FAM91A1: variants seen among roughly 807,000 people sequenced by gnomAD.
FAM91A1 encodes the protein family with sequence similarity 91 member A1, also known as protein FAM91A1.
A neutral mutation model predicts 113.5 loss-of-function variants in FAM91A1; 41 were observed. That is an observed-to-expected ratio of 0.36 (90% CI 0.28 to 0.47). The LOEUF (loss-of-function observed/expected upper bound fraction) is 0.47. FAM91A1 is among the 20% of genes least tolerant of loss of function. The pLI is 1.00. For missense variants in FAM91A1, 696 were observed against 1,001.2 expected, an observed-to-expected ratio of 0.70 and a Z score of 4.11; for synonymous variants, 307 against 347.9, an observed-to-expected ratio of 0.88 and a Z score of 1.31.
chr8:123,774,378 T>G (rs1325163413), intron 2 of FAM91A1, among the ~76,000 whole-genome samples: 1 of 152,168 alleles, frequency 6.6e-6, no homozygotes, highest in Non-Finnish European at 1.5e-5. Flanking sequence ...AGAGTACTGT[T>G]TATGGACTCA....
intron 19 of FAM91A1, 82 bp from the exon 20 acceptor site, chr8:123,805,998 G>A (rs1815793239): frequency 7.6e-7 from 1 of 1,311,900 alleles, no homozygotes. Flanking sequence ...AGTTCTAAGA[G>A]TTGTTTAATA....
Position 123,815,263 on chromosome 8 carries a change from G to C in FAM91A1, c.*2559G>C, listed in dbSNP as rs1816046489. ...TCTGCCATTCATGTTTCTTTTTTGTGTTCAGTGTTTCAAATACAATTTGTA... is the reference window on the plus strand; with the variant it reads ...TCTGCCATTCATGTTTCTTTTTTGTCTTCAGTGTTTCAAATACAATTTGTA... On this transcript the variant is annotated 3_prime_UTR_variant, in exon 24 of 24. Coordinates refer to ENST00000334705, the MANE Select transcript of FAM91A1 (RefSeq NM_144963.4). The C allele has an allele frequency of 6.6e-6, 1 of 151,256 alleles. No individual in the cohort carries two copies. The highest frequency in any genetic ancestry group is 6.6e-5 in the Admixed American group (1 of 15,154). 9.4% of individuals were successfully genotyped at this position (151,256 alleles called of 1,614,324 possible).
intron 22 of FAM91A1, 21 bp from the exon 23 acceptor site, chr8:123,810,261 T>C (rs747869965): frequency 2.5e-6 from 4 of 1,591,274 alleles, no homozygotes; most frequent in Middle Eastern, 1.8e-4. Context: ...TTAAACTGTT[T>C]CTCGCCTTTT....
chr8:123,789,806 A>G, intron 15 of FAM91A1, 61 bp downstream of exon 15: 1 of 1,568,202 alleles, frequency 6.4e-7, no homozygotes, highest in Non-Finnish European at 8.7e-7. Flanking sequence ...CTAAGAAATT[A>G]AACAGATCAT....
Position 123,778,710 on chromosome 8 carries a change from G to T in FAM91A1, c.487G>T (p.Glu163Ter). The T allele has an allele frequency of 6.2e-7, 1 of 1,609,752 alleles. No homozygotes were observed. The highest frequency in any genetic ancestry group is 8.5e-7 in the Non-Finnish European group (1 of 1,178,600). Reference sequence around the variant, plus strand: ...TGATCTTCTACCAATAAAGCCAGTGGAAATTGCCATAGAGGCGTGGTGGGT... The same window carrying T: ...TGATCTTCTACCAATAAAGCCAGTGTAAATTGCCATAGAGGCGTGGTGGGT... ...ARDLLPIKPV[E>*]IAIEAWWVVQ... Residue 163 changes from glutamate to a stop codon, truncating the protein, a stop_gained, in exon 6 of 24, where the codon GAA (glutamate) becomes TAA (stop). Transcript: ENST00000334705. LOFTEE classifies it high-confidence loss of function.
In FAM91A1 at chr8:123,805,308, A is replaced by G. The variant is rs1815775949; in HGVS notation, c.1851A>G (p.Pro617=). 1.2e-6 allele frequency: 2 copies of G among 1,611,624 alleles called. No individual in the cohort carries two copies. Among genetic ancestry groups the G allele is most frequent in the Non-Finnish European group, 1.7e-6 (2 of 1,179,340 alleles). The part of the protein sequence containing the change: ...LHGIGETVHV[P]FPFDETELQG... Reference sequence around the variant, plus strand: ...GGATAGGAGAAACTGTCCATGTCCCATTTCCATTTGATGAAACAGAACTAC... The same window carrying G: ...GGATAGGAGAAACTGTCCATGTCCCGTTTCCATTTGATGAAACAGAACTAC... Residue 617 remains proline (P), a synonymous_variant, in exon 19 of 24, where the codon CCA becomes CCG. Coordinates refer to ENST00000334705, the MANE Select transcript of FAM91A1 (RefSeq NM_144963.4).
At chr8:123,788,391 G>A (rs915326581) in intron 14 of FAM91A1, 3 of 347,640 alleles carry the variant, frequency 8.6e-6, no homozygotes, top group South Asian at 1.2e-4. Flanking sequence ...AATACTTTTC[G>A]TGCCTTTTGT....
chr8:123,789,896 T>A, intron 15 of FAM91A1, 151 bp downstream of exon 15: 1 of 914,418 alleles, frequency 1.1e-6, no homozygotes, highest in Non-Finnish European at 1.6e-6. Context: ...TTTTGTGAAT[T>A]TCTTGCTTGT....
intron 3 of FAM91A1, among the ~76,000 whole-genome samples, chr8:123,776,843 G>T (rs975203537): frequency 4.6e-5 from 7 of 152,196 alleles, no homozygotes; most frequent in African/African-American, 1.7e-4. Flanking sequence ...GGGATCAAAG[G>T]CCACTAAGTG....
chr8:123,810,378 G>C, intron 23 of FAM91A1, 27 bp downstream of exon 23: 3 of 1,598,440 alleles, frequency 1.9e-6, no homozygotes, highest in Non-Finnish European at 2.6e-6. Flanking sequence ...AGTCCAAATG[G>C]TACTTGTACT....
intron 23 of FAM91A1, 75 bp from the exon 24 acceptor site, chr8:123,812,444 C>G (rs1815980165): frequency 2.3e-6 from 3 of 1,317,072 alleles, no homozygotes; most frequent in Non-Finnish European, 3.1e-6. Context: ...ATCAAGGTCT[C>G]TCTTTCTCAT....
intron 18 of FAM91A1, among the ~76,000 whole-genome samples, chr8:123,800,262 A>G (rs1815641310): frequency 7.2e-6 from 1 of 138,316 alleles, no homozygotes; most frequent in African/African-American, 2.9e-5. Flanking sequence ...GTTTTCCTAT[A>G]TGTATATATA....
At chr8:123,772,976 A>G (rs1361866549) in intron 1 of FAM91A1, among the ~76,000 whole-genome samples, 7 of 152,086 alleles carry the variant, frequency 4.6e-5, no homozygotes, top group Non-Finnish European at 1.0e-4. Flanking sequence ...GGAGGAGGAA[A>G]TACAGGAAGT....
chr8:123,808,830 T>C, intron 21 of FAM91A1, 63 bp from the exon 22 acceptor site: 1 of 1,417,780 alleles, frequency 7.1e-7, no homozygotes, highest in Non-Finnish European at 9.4e-7. Flanking sequence ...TTGTCAGTTA[T>C]ATATAATATA....
At chr8:123,804,490 TAAAAAAA>T (rs57808944) in intron 18 of FAM91A1, among the ~76,000 whole-genome samples, 12 of 73,834 alleles carry the variant, frequency 1.6e-4, no homozygotes, top group African/African-American at 4.9e-4. Flanking sequence ...GACTCTGTTT[TAAAAAAA>T]AAAAAAAAAA....
intron 20 of FAM91A1, among the ~76,000 whole-genome samples, chr8:123,807,893 C>G (rs1198407147): frequency 1.3e-5 from 2 of 152,148 alleles, no homozygotes; most frequent in African/African-American, 2.4e-5. Flanking sequence ...CATAATCAGA[C>G]TATATATTTC....
At chr8:123,786,021 G>A in intron 11 of FAM91A1, 1 of 428,034 alleles carries the variant, frequency 2.3e-6, no homozygotes, top group Non-Finnish European at 4.5e-6. Context: ...GTTTCACCAT[G>A]TTAGCCAGGC....
Position 123,784,476 on chromosome 8 carries a change from C to T in FAM91A1, c.710C>T (p.Pro237Leu). Residue 237 changes from proline (P) to leucine (L), a missense_variant, in exon 9 of 24, where the codon CCT becomes CTT. By Grantham distance (98) the Pro-to-Leu change is moderately conservative (BLOSUM62 -3). Coordinates refer to ENST00000334705, the MANE Select transcript of FAM91A1 (RefSeq NM_144963.4). ...ISDDSCIAVP[P>L]LEGFVMNRVQ... ...TCTCTTCTGTTTGTTTTAGTTCCAC[C>T]TCTTGAAGGTTTTGTAATGAATCGA... The T allele has an allele frequency of 6.3e-7, 1 of 1,596,216 alleles. No homozygotes were observed. Among genetic ancestry groups the T allele is most frequent in the Non-Finnish European group, 8.5e-7 (1 of 1,173,036 alleles).
chr8:123,797,653 G>A (rs1464173609), intron 15 of FAM91A1, among the ~76,000 whole-genome samples: 2 of 152,042 alleles, frequency 1.3e-5, no homozygotes, highest in African/African-American at 4.8e-5. Flanking sequence ...TTAACTGTTC[G>A]TATTATTGGT....
Sources: allele counts gnomAD v4.1 joint callset (sites outside exome capture counted in the v4.1 genomes callset), GRCh38; gene constraint gnomAD v4.1.1; transcripts MANE v1.5; gene names NCBI Gene and HGNC (gene_info 2026-07-23, HGNC 2026-07-21).